Variants in GALNT13 observed in about 807,000 individuals in gnomAD.
The protein encoded by GALNT13 is UDP-GalNAc:polypeptide N-acetylgalactosaminyltransferase 13.
In GALNT13, 28 loss-of-function variants were observed where a neutral mutation model predicts 64.2. The observed-to-expected ratio is 0.44, with a 90% CI of 0.32 to 0.60. The LOEUF (loss-of-function observed/expected upper bound fraction) is 0.60. Ranked by LOEUF, GALNT13 falls within the 20% of genes least tolerant of loss-of-function variation. GALNT13 has a pLI of 0.05. For missense variants in GALNT13, 577 were observed against 669.8 expected, an observed-to-expected ratio of 0.86 and a Z score of 1.53; for synonymous variants, 214 against 224.6, an observed-to-expected ratio of 0.95 and a Z score of 0.42.
chr2:153,129,968 A>G, the GALNT13 span, among the ~76,000 whole-genome samples: 1 of 152,194 alleles, frequency 6.6e-6, no homozygotes, highest in Admixed American at 6.5e-5. Flanking sequence ...AGAGGCATCA[A>G]AAGGCGGCTG....
intron 3 of GALNT13, among the ~76,000 whole-genome samples, chr2:154,127,095 T>G (rs1289149184): frequency 6.6e-6 from 1 of 152,182 alleles, no homozygotes; most frequent in Non-Finnish European, 1.5e-5. Context: ...AAAAAAAGTT[T>G]CATATTAGTT....
At chr2:154,251,200 G>A (rs78792988) in intron 7 of GALNT13, among the ~76,000 whole-genome samples, 1 of 151,960 alleles carries the variant, frequency 6.6e-6, no homozygotes, top group Non-Finnish European at 1.5e-5. Context: ...TTTGTCACAT[G>A]AACCAAAATA....
At chr2:153,622,672 GATA>G in the GALNT13 span, among the ~76,000 whole-genome samples, 112 of 152,162 alleles carry the variant, frequency 7.4e-4, 1 homozygote, top group African/African-American at 2.6e-3. Flanking sequence ...TTATTACCCA[GATA>G]ATATTTACTG....
chr2:153,488,365 G>A, the GALNT13 span, among the ~76,000 whole-genome samples: 9 of 152,152 alleles, frequency 5.9e-5, no homozygotes, highest in Non-Finnish European at 2.9e-5. Context: ...CCTTGCTAGG[G>A]TGTTCTTTTA....
intron 9 of GALNT13, among the ~76,000 whole-genome samples, chr2:154,356,630 A>G (rs772684341): frequency 6.6e-6 from 1 of 151,914 alleles, no homozygotes; most frequent in East Asian, 1.9e-4. Flanking sequence ...CCTCAATTTT[A>G]TATGTCCAAT....
At chr2:153,294,380 AT>A in the GALNT13 span, among the ~76,000 whole-genome samples, 2 of 152,118 alleles carry the variant, frequency 1.3e-5, no homozygotes, top group Admixed American at 6.5e-5. Context: ...GTTATAATGG[AT>A]TTTTTAAAAA....
At chr2:153,442,322 T>C in the GALNT13 span, among the ~76,000 whole-genome samples, 3 of 152,232 alleles carry the variant, frequency 2.0e-5, no homozygotes, top group Non-Finnish European at 4.4e-5. Context: ...GGATAAGTTT[T>C]TGATGTGCTG....
intron 8 of GALNT13, among the ~76,000 whole-genome samples, chr2:154,290,090 C>G (rs148920704): frequency 6.7e-4 from 102 of 152,328 alleles, no homozygotes; most frequent in Admixed American, 2.7e-3. Flanking sequence ...AATGCATGCA[C>G]AAGCTACTCC....
intron 3 of GALNT13, among the ~76,000 whole-genome samples, chr2:154,100,881 C>T (rs1702312585): frequency 6.6e-6 from 1 of 151,898 alleles, no homozygotes; most frequent in African/African-American, 2.4e-5. Context: ...ATTTTCTTTC[C>T]ATGCCTAGTT....
At chr2:153,744,976 G>A in the GALNT13 span, among the ~76,000 whole-genome samples, 8 of 152,132 alleles carry the variant, frequency 5.3e-5, no homozygotes, top group African/African-American at 1.9e-4. Flanking sequence ...TGGTTTGCAG[G>A]CAGAGCATGG....
At chr2:154,236,492 A>G (rs1440059802) in intron 4 of GALNT13, among the ~76,000 whole-genome samples, 1 of 152,100 alleles carries the variant, frequency 6.6e-6, no homozygotes, top group Non-Finnish European at 1.5e-5. Context: ...AGAGCCACAG[A>G]TATATTATCA....
the GALNT13 span, among the ~76,000 whole-genome samples, chr2:153,596,736 A>G: frequency 6.6e-6 from 1 of 152,096 alleles, no homozygotes; most frequent in East Asian, 1.9e-4. Context: ...CTGAGAATAA[A>G]ATCAGTAATT....
the GALNT13 span, among the ~76,000 whole-genome samples, chr2:153,302,466 C>A: frequency 6.6e-6 from 1 of 151,584 alleles, no homozygotes; most frequent in Admixed American, 6.6e-5. Context: ...TGGATATTAA[C>A]CCCTTATCAG....
the GALNT13 span, among the ~76,000 whole-genome samples, chr2:153,534,984 TAGTGTTGA>T: frequency 5.2e-4 from 79 of 151,920 alleles, no homozygotes; most frequent in Admixed American, 9.2e-4. Context: ...AAAAATAAAA[TAGTGTTGA>T]AGTGTTGAAG....
chr2:154,208,960 A>T (rs1687620811), intron 4 of GALNT13, among the ~76,000 whole-genome samples: 1 of 152,230 alleles, frequency 6.6e-6, no homozygotes, highest in East Asian at 1.9e-4. Context: ...GTATTTAAGG[A>T]TTCAGTAAGT....
intron 3 of GALNT13, among the ~76,000 whole-genome samples, chr2:154,020,204 G>T (rs1203418548): frequency 6.6e-6 from 1 of 152,042 alleles, no homozygotes; most frequent in Non-Finnish European, 1.5e-5. Flanking sequence ...TAATCCTTTG[G>T]GTATATACCC....
chr2:153,160,887 CT>C, the GALNT13 span, among the ~76,000 whole-genome samples: 12 of 152,260 alleles, frequency 7.9e-5, no homozygotes, highest in Non-Finnish European at 1.5e-4. Flanking sequence ...TCCATCCTTT[CT>C]GAGAAAGCAT....
At chr2:154,380,047 G>C (rs12328110) in intron 9 of GALNT13, among the ~76,000 whole-genome samples, 1 of 151,934 alleles carries the variant, frequency 6.6e-6, no homozygotes, top group Non-Finnish European at 1.5e-5. Context: ...GAATAAATAA[G>C]ACAGTAACCT....
the GALNT13 span, among the ~76,000 whole-genome samples, chr2:153,857,424 A>C: frequency 6.6e-6 from 1 of 151,512 alleles, no homozygotes; most frequent in Non-Finnish European, 1.5e-5. Context: ...CTGTAATTTC[A>C]AAAAAAAATC....
Sources: gnomAD v4.1 joint callset for allele counts (sites outside exome capture counted in the v4.1 genomes callset) on GRCh38, gnomAD v4.1.1 for gene constraint, MANE v1.5 for transcripts, NCBI Gene and HGNC (gene_info 2026-07-23, HGNC 2026-07-21) for gene names.